The following C15orf61 variants were observed in gnomAD, a reference collection of about 807,000 sequenced individuals.
C15orf61 encodes chromosome 15 open reading frame 61, also known as uncharacterized protein C15orf61.
Under a neutral mutation model 13.7 loss-of-function variants are expected in C15orf61, and 12 were observed. The observed-to-expected ratio is 0.88, with a 90% confidence interval of 0.56 to 1.42. The LOEUF (loss-of-function observed/expected upper bound fraction) is 1.42. Among genes scored for constraint, C15orf61 ranks in the 40% most tolerant of loss-of-function variants. C15orf61 has a pLI of 0.00. For synonymous variants in C15orf61, 92 were observed against 94.1 expected, an observed-to-expected ratio of 0.98 and a Z score of 0.13; for missense variants, 248 against 213.2, an observed-to-expected ratio of 1.16 and a Z score of -1.02.
rs1470036348 is a variant in C15orf61 at position 67,525,024 on chromosome 15, C to CG, written c.347-1390dup. ...GCTAATTTTGTATTTTTTGTAGAGA[C>CG]GGGGTTTCTCCATGTTGGTCAGGCT... On this transcript the variant is annotated intron_variant, in intron 1 of 1. Transcript: ENST00000342683. The surrounding 1 kb of genome is among the most constrained non-coding windows in gnomAD (Gnocchi z 4.9). 6.6e-6 allele frequency among the ~76,000 whole-genome samples: 1 copy of CG among 151,960 alleles called. No homozygotes were observed. Among genetic ancestry groups the CG allele is most frequent in the Non-Finnish European group, 1.5e-5 (1 of 67,998 alleles).
rs112086440 is a variant in C15orf61, at chr15:67,525,729, T to C, written c.347-689T>C. On this transcript the variant is annotated intron_variant, in intron 1 of 1. Coordinates refer to ENST00000342683, the MANE Select transcript of C15orf61 (RefSeq NM_001143936.2). The surrounding 1 kb of genome is among the most constrained non-coding windows in gnomAD (Gnocchi z 4.9). Reference sequence around the variant, plus strand: ...TTACTACTAACTTAAAGAACAGTAATGTTGGCCGGGCGCGGTGGCTCACAC... The same window carrying C: ...TTACTACTAACTTAAAGAACAGTAACGTTGGCCGGGCGCGGTGGCTCACAC... 1.4e-4 allele frequency among the ~76,000 whole-genome samples: 22 copies of C among 152,174 alleles called. No homozygotes were observed. The highest frequency in any genetic ancestry group is 5.9e-4 in the Admixed American group (9 of 15,278).
chr15:67,526,404 C>A lies in C15orf61; in HGVS notation c.347-14C>A. On this transcript the variant is annotated splice_polypyrimidine_tract_variant and intron_variant, in intron 1 of 1. Transcript: ENST00000342683. ...ATAAGCATTGATGTTTATACATATTCGTTTGTTTTCTAGGTATTCCAACTT... is the reference window on the plus strand; with the variant it reads ...ATAAGCATTGATGTTTATACATATTAGTTTGTTTTCTAGGTATTCCAACTT... The A allele has an allele frequency of 1.3e-6, 2 of 1,485,892 alleles. No individual in the cohort carries two copies. The highest frequency in any genetic ancestry group is 2.1e-5 in the Admixed American group (1 of 48,020). 92.0% of individuals were successfully genotyped at this position (1,485,892 alleles called of 1,614,324 possible).
At chr15:67,521,957 G>A in intron 1 of C15orf61, 1 of 690,868 alleles carries the variant, frequency 1.4e-6, no homozygotes, top group South Asian at 1.5e-5. Flanking sequence ...CCGTCCTACT[G>A]CATGGCAGGA....
In C15orf61 at chr15:67,522,106, A is replaced by G. The variant is rs563080232; in HGVS notation, c.346+512A>G. 2.8e-4 allele frequency: 199 copies of G among 701,814 alleles called. 2 individuals are homozygous for G. Among genetic ancestry groups the G allele is most frequent in the South Asian group, 1.5e-3 (104 of 67,494 alleles). 43.5% of individuals were successfully genotyped at this position (701,814 alleles called of 1,614,324 possible). ...AAAGCACCAAAGGTTTTCACCAGAC[A>G]TAACAGCTTCCTGAGGTGCTAGGCC... On this transcript the variant is annotated intron_variant, in intron 1 of 1. Transcript: ENST00000342683.
intron 1 of C15orf61, 34 bp from the exon 2 acceptor site, chr15:67,526,384 C>T (rs1433205405): frequency 1.4e-6 from 2 of 1,385,970 alleles, no homozygotes; most frequent in Non-Finnish European, 9.9e-7. Flanking sequence ...GATTAATAAG[C>T]ATTGATGTTT....
chr15:67,523,468 TC>T (rs1214293649), intron 1 of C15orf61, among the ~76,000 whole-genome samples: 1 of 152,172 alleles, frequency 6.6e-6, no homozygotes, highest in Non-Finnish European at 1.5e-5. Context: ...TCCTCCGTCT[TC>T]CCTTCAATGG....
chr15:67,521,210 G>T lies in C15orf61; in HGVS notation c.-39G>T, dbSNP rs147008725. ...CCCGGGGGCGCGCTTGCGCGCCAGC[G>T]GCTGCGGACACCAGCCTGCGTCCCC... On this transcript the variant is annotated 5_prime_UTR_variant, in exon 1 of 2. Transcript: ENST00000342683. 25,150 of 1,180,978 alleles carry T rather than the reference G, an allele frequency of 0.021. 293 individuals are homozygous for T. The highest frequency in any genetic ancestry group is 0.024 in the Non-Finnish European group (22,726 of 947,050). The allele number at this position is 1,180,978 out of a possible 1,614,324, so 73.2% of individuals were successfully genotyped here. A position where few individuals can be genotyped will look rare whatever the true frequency, so the allele number is the denominator to read the frequency against.
chr15:67,524,144 T>C (rs1247595818), intron 1 of C15orf61, among the ~76,000 whole-genome samples: 1 of 152,226 alleles, frequency 6.6e-6, no homozygotes, highest in African/African-American at 2.4e-5. Context: ...TCCTTAAATT[T>C]ATATACTTAG....
chr15:67,524,872 C>CT (rs1291167073), intron 1 of C15orf61, among the ~76,000 whole-genome samples: 1 of 135,906 alleles, frequency 7.4e-6, no homozygotes, highest in African/African-American at 2.8e-5. Flanking sequence ...GAGTCTCCCT[C>CT]TGTCGCCAGG....
In C15orf61 at chr15:67,526,556, C is replaced by T. The variant is rs2084200174; in HGVS notation, c.*11C>T. Reference sequence around the variant, plus strand: ...GGTGCCATGTATTGAAAGTGTGCGTCAAAGAACATAAATATCAGTGGATTT... The same window carrying T: ...GGTGCCATGTATTGAAAGTGTGCGTTAAAGAACATAAATATCAGTGGATTT... On this transcript the variant is annotated 3_prime_UTR_variant, in exon 2 of 2. Coordinates refer to ENST00000342683, the MANE Select transcript of C15orf61 (RefSeq NM_001143936.2). 6.7e-7 allele frequency: 1 copy of T among 1,502,278 alleles called. No homozygotes were observed. 93.1% of individuals were successfully genotyped at this position (1,502,278 alleles called of 1,614,324 possible). A position where few individuals can be genotyped will look rare whatever the true frequency, so the allele number is the denominator to read the frequency against.
intron 1 of C15orf61, chr15:67,521,903 G>A: frequency 1.5e-6 from 1 of 666,100 alleles, no homozygotes; most frequent in South Asian, 1.6e-5. Context: ...TAAGCCAGGG[G>A]GCGTCAGGAA....
Position 67,526,518 on chromosome 15 carries a change from T to A in C15orf61, c.447T>A (p.Asn149Lys). The A allele has an allele frequency of 6.5e-7, 1 of 1,537,952 alleles. No homozygotes were observed. Among genetic ancestry groups the A allele is most frequent in the South Asian group, 1.2e-5 (1 of 80,606 alleles). The change falls in exon 2 of 2, where the codon AAT becomes AAA. Residue 149 changes from asparagine (N) to lysine (K), a missense_variant. Transcript: ENST00000342683. ...GACCCATAACAGTTTATTTTCTCAA[T>A]AAAGAAGATGAAGGTGCCATGTATT... is the stretch of plus-strand genomic sequence containing the variant. ...SYGPITVYFLNKEDEGAMY is the reference protein window; with the variant it reads ...SYGPITVYFLKKEDEGAMY
Position 67,525,056 on chromosome 15 carries a change from G to A in C15orf61, c.347-1362G>A, listed in dbSNP as rs1157795372. Among the ~76,000 whole-genome samples, 4 of 152,170 alleles carry A rather than the reference G, an allele frequency of 2.6e-5. No individual in the cohort carries two copies. Among genetic ancestry groups the A allele is most frequent in the South Asian group, 2.1e-4 (1 of 4,818 alleles). On this transcript the variant is annotated intron_variant, in intron 1 of 1. Transcript: ENST00000342683. This position sits in a 1 kb window ranked among gnomAD's most constrained non-coding sequence, Gnocchi z 4.9. ...TCTCCATGTTGGTCAGGCTGGTCTC[G>A]AACTCCCAACCTCAGGTGATCCGCC...
In C15orf61 at chr15:67,526,736, T is replaced by G. The variant is rs575272781; in HGVS notation, c.*191T>G. The G allele has an allele frequency of 6.9e-6, 3 of 437,394 alleles. No homozygotes were observed. The highest frequency in any genetic ancestry group is 8.8e-5 in the Admixed American group (2 of 22,838). 27.1% of individuals were successfully genotyped at this position (437,394 alleles called of 1,614,324 possible). ...ATCGTTATATATTACATACTCTGTT[T>G]AGCTGATGTGAACTACAAACACATG... On this transcript the variant is annotated 3_prime_UTR_variant, in exon 2 of 2. Transcript: ENST00000342683.
intron 1 of C15orf61, among the ~76,000 whole-genome samples, chr15:67,524,829 TTTTG>T (rs2084189015): frequency 1.4e-5 from 2 of 142,930 alleles, no homozygotes. Flanking sequence ...TGTGTTGCTT[TTTTG>T]TTTGTTTTTT....
intron 1 of C15orf61, chr15:67,521,891 A>G (rs1178142681): frequency 1.1e-5 from 7 of 656,186 alleles, no homozygotes; most frequent in Non-Finnish European, 1.9e-5. Flanking sequence ...TGGCCTGGGC[A>G]GTAAGCCAGG....
chr15:67,526,301 T>C lies in C15orf61; in HGVS notation c.347-117T>C. On this transcript the variant is annotated intron_variant, in intron 1 of 1. Coordinates refer to ENST00000342683, the MANE Select transcript of C15orf61 (RefSeq NM_001143936.2). ...GATAATCAGAGTCAATGTTGATTAA[T>C]ATTTTTATATTTTATCACATTGTAA... is the stretch of plus-strand genomic sequence containing the variant. The C allele has an allele frequency of 4.7e-6, 3 of 634,010 alleles. 1 individual carries two copies. In the South Asian group the frequency reaches 1.0e-4, roughly 21 times the overall value. 39.3% of individuals were successfully genotyped at this position (634,010 alleles called of 1,614,324 possible).
At position 67,521,288 on chromosome 15, in the gene C15orf61, C is replaced by T. The variant is rs1402332210; in HGVS notation, c.40C>T (p.Leu14=). 6.8e-7 allele frequency: 1 copy of T among 1,479,392 alleles called. No individual in the cohort carries two copies. Among genetic ancestry groups the T allele is most frequent in the East Asian group, 2.6e-5 (1 of 38,280 alleles). 91.6% of individuals were successfully genotyped at this position (1,479,392 alleles called of 1,614,324 possible). ...LRRAHEVALR[L]LLCRPWASRA... is the part of the protein sequence containing the mutation. Reference sequence around the variant, plus strand: ...GAGGGCCCACGAGGTCGCGCTCCGCCTGCTGCTGTGTAGGCCGTGGGCCTC... The same window carrying T: ...GAGGGCCCACGAGGTCGCGCTCCGCTTGCTGCTGTGTAGGCCGTGGGCCTC... Residue 14 remains leucine (L), a synonymous_variant, in exon 1 of 2, where the codon CTG becomes TTG. Transcript: ENST00000342683.
chr15:67,525,213 C>T lies in C15orf61; in HGVS notation c.347-1205C>T, dbSNP rs2084192234. Among the ~76,000 whole-genome samples the T allele has an allele frequency of 6.6e-6, 1 of 152,188 alleles. No individual in the cohort carries two copies. The highest frequency in any genetic ancestry group is 2.4e-5 in the African/African-American group (1 of 41,430). ...TTAAAGTGTCACTTTCTGCCCATTT[C>T]CCACATAAGAGCATAAAATTAATGC... On this transcript the variant is annotated intron_variant, in intron 1 of 1. Coordinates refer to ENST00000342683, the MANE Select transcript of C15orf61 (RefSeq NM_001143936.2). The surrounding 1 kb of genome is among the most constrained non-coding windows in gnomAD (Gnocchi z 4.9).
Sources: gnomAD v4.1 joint callset for allele counts (sites outside exome capture counted in the v4.1 genomes callset) on GRCh38, gnomAD v4.1.1 for gene constraint, Gnocchi (gnomAD v3.1) non-coding constraint, MANE v1.5 for transcripts, NCBI Gene and HGNC (gene_info 2026-07-23, HGNC 2026-07-21) for gene names.